GRID1: variants seen among roughly 807,000 people sequenced by gnomAD.
The protein encoded by GRID1 is glutamate receptor ionotropic, delta-1.
A neutral mutation model predicts 98.0 loss-of-function variants in GRID1; 28 were observed. That is an observed-to-expected ratio of 0.29 (90% CI 0.21 to 0.39). The LOEUF (loss-of-function observed/expected upper bound fraction) is 0.39. Among genes scored for constraint, GRID1 ranks in the 10% least tolerant of loss-of-function variants. The pLI, the probability that GRID1 is intolerant of heterozygous loss-of-function variation, is 1.00. For synonymous variants in GRID1, 553 were observed against 538.5 expected, an observed-to-expected ratio of 1.03 and a Z score of -0.37; for missense variants, 1,111 against 1,340.5, an observed-to-expected ratio of 0.83 and a Z score of 2.67.
chr10:86,101,267 G>A (rs1350974685), intron 4 of GRID1, among the ~76,000 whole-genome samples: 1 of 152,112 alleles, frequency 6.6e-6, no homozygotes, highest in East Asian at 1.9e-4. Flanking sequence ...ACCCTAACTA[G>A]GACTTGTTTT....
At chr10:85,739,410 T>C (rs1339688063) in intron 8 of GRID1, among the ~76,000 whole-genome samples, 2 of 151,490 alleles carry the variant, frequency 1.3e-5, no homozygotes, top group South Asian at 4.2e-4. Flanking sequence ...CAAGACTCCA[T>C]CTCTAAAAAT....
chr10:86,036,934 A>G (rs1178696167), intron 4 of GRID1, among the ~76,000 whole-genome samples: 1 of 152,258 alleles, frequency 6.6e-6, no homozygotes, highest in Admixed American at 6.5e-5. Context: ...GCATTTTATA[A>G]TTAGCCATAA....
In GRID1 at chr10:86,286,913, T is replaced by C. The variant is rs376461014; in HGVS notation, c.235+77028A>G. ...TCCCAGCAGAAAGCCCACTGTGGTA[T>C]GACCACCACTGCCTGGGCACCTGCA... On this transcript the variant is annotated intron_variant, in intron 2 of 15. Transcript: ENST00000327946. 1.4e-4 allele frequency among the ~76,000 whole-genome samples: 21 copies of C among 152,348 alleles called. 1 individual carries two copies. The highest frequency in any genetic ancestry group is 4.8e-4 in the African/African-American group (20 of 41,576).
rs144400623 is a variant in GRID1, at chr10:85,891,932, T to C, written c.781-22752A>G. ...CAATCAATAGAAACACACCCAGAAA[T>C]AATGCAGATGGTAGATGGTAATTAG... On this transcript the variant is annotated intron_variant, in intron 5 of 15. Coordinates refer to ENST00000327946, the MANE Select transcript of GRID1 (RefSeq NM_017551.3). 4.6e-3 allele frequency among the ~76,000 whole-genome samples: 701 copies of C among 151,816 alleles called. 6 individuals are homozygous for C. The highest frequency in any genetic ancestry group is 0.016 in the African/African-American group (655 of 41,434).
At chr10:86,144,824 C>G (rs1479804863) in intron 3 of GRID1, among the ~76,000 whole-genome samples, 1 of 152,162 alleles carries the variant, frequency 6.6e-6, no homozygotes, top group Non-Finnish European at 1.5e-5. Context: ...CTGAGAACAG[C>G]ATCACCACAC....
intron 12 of GRID1, among the ~76,000 whole-genome samples, chr10:85,691,635 G>T (rs1428152940): frequency 6.6e-6 from 1 of 152,198 alleles, no homozygotes; most frequent in Non-Finnish European, 1.5e-5. Context: ...CTACCAAGTT[G>T]TGCCTAACTC....
intron 2 of GRID1, among the ~76,000 whole-genome samples, chr10:86,219,748 C>T (rs1014544133): frequency 6.6e-6 from 1 of 152,234 alleles, no homozygotes; most frequent in Non-Finnish European, 1.5e-5. Context: ...TGCAAGTGGA[C>T]TGTTGTCCAC....
chr10:85,965,607 A>G (rs548770942), intron 4 of GRID1, among the ~76,000 whole-genome samples: 14 of 152,184 alleles, frequency 9.2e-5, no homozygotes, highest in African/African-American at 3.1e-4. Context: ...GGACATAGGG[A>G]GAGGAACATC....
intron 8 of GRID1, among the ~76,000 whole-genome samples, chr10:85,769,239 T>G (rs981205550): frequency 6.6e-6 from 1 of 152,210 alleles, no homozygotes; most frequent in Non-Finnish European, 1.5e-5. Context: ...GCCATTATCC[T>G]AAGCAAATTA....
intron 2 of GRID1, among the ~76,000 whole-genome samples, chr10:86,237,193 C>G (rs1589421808): frequency 6.6e-6 from 1 of 152,070 alleles, no homozygotes; most frequent in African/African-American, 2.4e-5. Flanking sequence ...CTTAAAATGC[C>G]CTAACCCCCA....
intron 10 of GRID1, among the ~76,000 whole-genome samples, chr10:85,726,589 C>A (rs568317577): frequency 2.7e-4 from 41 of 152,218 alleles, no homozygotes; most frequent in African/African-American, 9.9e-4. Context: ...ATAGAGGACG[C>A]AGTATCAGAA....
At chr10:85,678,885 A>T (rs1841174966) in intron 12 of GRID1, among the ~76,000 whole-genome samples, 1 of 152,176 alleles carries the variant, frequency 6.6e-6, no homozygotes, top group Non-Finnish European at 1.5e-5. Context: ...CACCCTGAGC[A>T]TGCAACTAAA....
chr10:85,775,487 A>G (rs984987848), intron 8 of GRID1, among the ~76,000 whole-genome samples: 2 of 152,078 alleles, frequency 1.3e-5, no homozygotes, highest in African/African-American at 4.8e-5. Context: ...TAATAATAAA[A>G]TAAAATTTAA....
chr10:86,216,619 C>T (rs1237295779), intron 2 of GRID1, among the ~76,000 whole-genome samples: 4 of 152,142 alleles, frequency 2.6e-5, no homozygotes, highest in African/African-American at 7.2e-5. Context: ...GGGAGTGGTT[C>T]GGGGTCAGAA....
intron 5 of GRID1, among the ~76,000 whole-genome samples, chr10:85,882,648 G>T (rs1191820063): frequency 6.6e-6 from 1 of 152,210 alleles, no homozygotes; most frequent in Non-Finnish European, 1.5e-5. Flanking sequence ...GGAAGGGATA[G>T]CATTAGGAGA....
rs78323471 is a variant in GRID1 at position 85,850,190 on chromosome 10, G to A, written c.1233+4306C>T. Among the ~76,000 whole-genome samples, 663 of 152,272 alleles carry A rather than the reference G, an allele frequency of 4.4e-3. 8 individuals are homozygous for A. The highest frequency in any genetic ancestry group is 0.015 in the African/African-American group (632 of 41,546). On this transcript the variant is annotated intron_variant, in intron 8 of 15. Coordinates refer to ENST00000327946, the MANE Select transcript of GRID1 (RefSeq NM_017551.3). ...CAGGGTTTTCCTGCACAAGGGACCC[G>A]GAGATAGTGGAAGAGAATGAGTTGC...
intron 8 of GRID1, among the ~76,000 whole-genome samples, chr10:85,764,020 T>C (rs770146814): frequency 1.8e-4 from 27 of 152,138 alleles, no homozygotes; most frequent in Admixed American, 1.3e-4. Flanking sequence ...TGGAGACTGC[T>C]GGATTTTTCA....
intron 2 of GRID1, among the ~76,000 whole-genome samples, chr10:86,326,974 T>TA (rs1028279038): frequency 2.6e-5 from 4 of 151,936 alleles, no homozygotes; most frequent in Non-Finnish European, 4.4e-5. Flanking sequence ...TGTGTTTACT[T>TA]AAAAAAACAA....
intron 4 of GRID1, among the ~76,000 whole-genome samples, chr10:85,975,405 C>T (rs1256648594): frequency 2.0e-5 from 3 of 152,224 alleles, no homozygotes; most frequent in Non-Finnish European, 4.4e-5. Flanking sequence ...ACTCTTACTT[C>T]CACTTCACCA....
Sources: gnomAD v4.1 joint callset for allele counts (sites outside exome capture counted in the v4.1 genomes callset) on GRCh38, gnomAD v4.1.1 for gene constraint, MANE v1.5 for transcripts, NCBI Gene and HGNC (gene_info 2026-07-23, HGNC 2026-07-21) for gene names.